ANKRD42: variants seen among roughly 807,000 people sequenced by gnomAD.
ANKRD42 encodes ankyrin repeat domain 42.
A neutral mutation model predicts 51.5 loss-of-function variants in ANKRD42; 43 were observed. The ratio of observed to expected loss-of-function variants is 0.83; its 90% CI spans 0.65 to 1.08. The LOEUF (loss-of-function observed/expected upper bound fraction) is 1.08. Ranked by LOEUF, ANKRD42 falls within the 50% of genes least tolerant of loss-of-function variation. The pLI is 0.00. For missense variants in ANKRD42, 608 were observed against 629.3 expected, an observed-to-expected ratio of 0.97 and a Z score of 0.36; for synonymous variants, 203 against 213.0, an observed-to-expected ratio of 0.95 and a Z score of 0.41.
At position 83,248,130 on chromosome 11, in the gene ANKRD42, A is replaced by G; in HGVS notation, c.1510A>G (p.Ile504Val). ...FNTFIFLKKYIQEWPRVQALG... is the reference protein window; with the variant it reads ...FNTFIFLKKYVQEWPRVQALG... ...TACATTTATTTTTCTCAAGAAGTAT[A>G]TACAAGAGTGGCCAAGAGTACAAGC... Residue 504 changes from isoleucine (I) to valine (V), a missense_variant, in exon 11 of 11, where the codon ATA (isoleucine) becomes GTA (valine). Physicochemically the swap from Ile to Val is conservative, Grantham distance 29. Coordinates refer to ENST00000533342, the MANE Select transcript of ANKRD42 (RefSeq NM_001300975.2). 1 of 1,545,106 alleles carries G rather than the reference A, an allele frequency of 6.5e-7. No homozygotes were observed. The highest frequency in any genetic ancestry group is 8.7e-7 in the Non-Finnish European group (1 of 1,146,946).
At position 83,194,158 on chromosome 11, in the gene ANKRD42, G is replaced by C; in HGVS notation, c.-513G>C. ...AGACAGCACCTTCTGCAGCAGCGAC[G>C]TGAATTTTAGTGAAGTTGGAGGCCA... On this transcript the variant is annotated 5_prime_UTR_variant, in exon 1 of 11. Transcript: ENST00000533342. 2.2e-6 allele frequency: 1 copy of C among 457,050 alleles called. No individual in the cohort carries two copies. The highest frequency in any genetic ancestry group is 4.4e-6 in the Non-Finnish European group (1 of 227,184). The allele number at this position is 457,050 out of a possible 1,614,324, so 28.3% of individuals were successfully genotyped here.
intron 5 of ANKRD42, among the ~76,000 whole-genome samples, chr11:83,221,866 G>A (rs1862727787): frequency 6.6e-6 from 1 of 152,156 alleles, no homozygotes; most frequent in Non-Finnish European, 1.5e-5. Context: ...TCTCCCCTTT[G>A]TCTCTGGCTG....
In ANKRD42 at chr11:83,240,740, T is replaced by G. The variant is rs773993339; in HGVS notation, c.1020-19T>G. ...GAAGAAGATTGTGGATCTGGTTAGT[T>G]ATTGATTCTTTTCTACAGGTTTGCC... On this transcript the variant is annotated intron_variant, in intron 8 of 10. Coordinates refer to ENST00000533342, the MANE Select transcript of ANKRD42 (RefSeq NM_001300975.2). 6.2e-7 allele frequency: 1 copy of G among 1,613,090 alleles called. No homozygotes were observed. The highest frequency in any genetic ancestry group is 8.5e-7 in the Non-Finnish European group (1 of 1,179,768).
downstream of ANKRD42, chr11:83,261,885 C>G: frequency 6.4e-7 from 1 of 1,560,632 alleles, no homozygotes; most frequent in South Asian, 1.2e-5. Context: ...AAGAAGCCAA[C>G]AGCCACAGCA....
intron 2 of ANKRD42, among the ~76,000 whole-genome samples, chr11:83,203,423 T>C (rs1018300890): frequency 6.7e-6 from 1 of 148,784 alleles, no homozygotes; most frequent in African/African-American, 2.5e-5. Context: ...AGAGGGAGTC[T>C]TGCTCTGTCG....
intron 7 of ANKRD42, among the ~76,000 whole-genome samples, chr11:83,229,894 G>A (rs1056778762): frequency 1.4e-4 from 22 of 151,910 alleles, no homozygotes; most frequent in Admixed American, 1.4e-3. Flanking sequence ...ATGTTTATGG[G>A]GTATGTGAGA....
intron 8 of ANKRD42, among the ~76,000 whole-genome samples, chr11:83,239,335 A>T (rs1297356778): frequency 6.6e-6 from 1 of 152,102 alleles, no homozygotes; most frequent in Non-Finnish European, 1.5e-5. Flanking sequence ...TCAGATATAT[A>T]CTTTGCAAAG....
intron 1 of ANKRD42, among the ~76,000 whole-genome samples, chr11:83,195,136 AAT>A (rs1861591049): frequency 6.6e-6 from 1 of 152,162 alleles, no homozygotes. Context: ...CATCTTCTTA[AAT>A]GCAGCTTTTA....
At chr11:83,196,348 A>G (rs1861651615) in intron 1 of ANKRD42, among the ~76,000 whole-genome samples, 1 of 151,606 alleles carries the variant, frequency 6.6e-6, no homozygotes, top group African/African-American at 2.4e-5. Flanking sequence ...GTTCTAGCCT[A>G]TTTATCCCCT....
At chr11:83,255,954 G>A in exon 12 of ANKRD42, 1 of 1,488,802 alleles carries the variant, frequency 6.7e-7, no homozygotes, top group South Asian at 1.3e-5. Flanking sequence ...TAACTAAATT[G>A]ACCTGCTAGA....
At chr11:83,196,162 T>A (rs1344449831) in intron 1 of ANKRD42, among the ~76,000 whole-genome samples, 1 of 152,144 alleles carries the variant, frequency 6.6e-6, no homozygotes, top group Non-Finnish European at 1.5e-5. Flanking sequence ...CTCTTTAGTC[T>A]TGCCTTTTTG....
intron 8 of ANKRD42, among the ~76,000 whole-genome samples, chr11:83,239,137 T>G (rs948016415): frequency 3.1e-4 from 47 of 152,228 alleles, no homozygotes; most frequent in African/African-American, 1.1e-3. Context: ...GGTAGCTCAC[T>G]GTGGTTTTAA....
At position 83,248,374 on chromosome 11, in the gene ANKRD42, ATCTG is replaced by A. The variant is rs201434338; in HGVS notation, c.*174_*177del. On this transcript the variant is annotated 3_prime_UTR_variant, in exon 11 of 11. Transcript: ENST00000533342. ...TATAACTTTCTAGATACATACACAC[ATCTG>A]TCTATCTATCTTCAAACAGCAGCCT... 102 of 1,320,342 alleles carry A rather than the reference ATCTG, an allele frequency of 7.7e-5. No individual in the cohort carries two copies. The highest frequency in any genetic ancestry group is 5.7e-4 in the African/African-American group (38 of 66,178). 81.8% of individuals were successfully genotyped at this position (1,320,342 alleles called of 1,614,324 possible). A position where few individuals can be genotyped will look rare whatever the true frequency, so the allele number is the denominator to read the frequency against.
chr11:83,234,919 G>T (rs578228895), intron 7 of ANKRD42, among the ~76,000 whole-genome samples: 1 of 152,332 alleles, frequency 6.6e-6, no homozygotes, highest in East Asian at 1.9e-4. Flanking sequence ...CACCTGGGCT[G>T]TAGGACTGTA....
intron 5 of ANKRD42, chr11:83,213,102 G>A (rs1234230666): frequency 2.5e-6 from 4 of 1,601,164 alleles, no homozygotes; most frequent in Non-Finnish European, 3.4e-6. Flanking sequence ...AAAATTAAGT[G>A]TAACTGGCAG....
intron 5 of ANKRD42, among the ~76,000 whole-genome samples, chr11:83,216,377 G>T (rs1361512043): frequency 6.6e-6 from 1 of 150,902 alleles, no homozygotes; most frequent in East Asian, 2.0e-4. Context: ...AGGCTGGAGT[G>T]CAGTGGCGCA....
downstream of ANKRD42, among the ~76,000 whole-genome samples, chr11:83,249,607 T>C (rs1227755336): frequency 6.6e-6 from 1 of 152,220 alleles, no homozygotes; most frequent in Non-Finnish European, 1.5e-5. Flanking sequence ...TCAGGTTGGA[T>C]CTGGTTTCAT....
downstream of ANKRD42, among the ~76,000 whole-genome samples, chr11:83,263,308 G>A (rs563092773): frequency 1.4e-4 from 22 of 152,156 alleles, no homozygotes; most frequent in South Asian, 4.6e-3. Context: ...GTATACAATC[G>A]TTACTGCATT....
intron 5 of ANKRD42, chr11:83,214,506 G>A (rs1233498142): frequency 3.1e-6 from 3 of 979,406 alleles, no homozygotes; most frequent in Non-Finnish European, 3.6e-6. Context: ...ACCAGGTAGA[G>A]TATTTATAAT....
Sources: gnomAD v4.1 joint callset for allele counts (sites outside exome capture counted in the v4.1 genomes callset) on GRCh38, gnomAD v4.1.1 for gene constraint, MANE v1.5 for transcripts, NCBI Gene and HGNC (gene_info 2026-07-23, HGNC 2026-07-21) for gene names.